VWA8: variants seen among roughly 807,000 people sequenced by gnomAD.
VWA8 encodes von Willebrand factor A domain-containing protein 8.
A neutral mutation model predicts 241.5 loss-of-function variants in VWA8; 221 were observed. That is an observed-to-expected ratio of 0.91 (90% confidence interval 0.82 to 1.02). The LOEUF (loss-of-function observed/expected upper bound fraction) is 1.02. Among genes scored for constraint, VWA8 ranks in the 50% least tolerant of loss-of-function variants. The probability of loss-of-function intolerance (pLI) is 0.00; values close to 1 mark genes in which losing one functional copy is unlikely to be tolerated. For missense variants in VWA8, 2,322 were observed against 2,328.7 expected, an observed-to-expected ratio of 1.00 and a Z score of 0.06; for synonymous variants, 852 against 827.1, an observed-to-expected ratio of 1.03 and a Z score of -0.52.
chr13:41,644,781 T>G (rs1458689218), intron 37 of VWA8, among the ~76,000 whole-genome samples: 1 of 152,264 alleles, frequency 6.6e-6, no homozygotes, highest in Non-Finnish European at 1.5e-5. Context: ...GATTTCAGTG[T>G]TTACTATAAG....
At position 41,783,639 on chromosome 13, in the gene VWA8, G is replaced by GAA. The variant is rs150170475; in HGVS notation, c.2277+154_2277+155dup. 8.2e-3 allele frequency among the ~76,000 whole-genome samples: 921 copies of GAA among 111,780 alleles called. 12 individuals carry two copies. The highest frequency in any genetic ancestry group is 0.027 in the African/African-American group (840 of 31,138). The allele number at this position is 111,780 out of a possible 152,430, so 73.3% of individuals were successfully genotyped here. On this transcript the variant is annotated intron_variant, in intron 19 of 44. Transcript: ENST00000379310. ...AGTGACAAAGTGAGACTGCATCACA[G>GAA]AAAAAAAAAAAAAAAAGATGTTCAA...
intron 24 of VWA8, among the ~76,000 whole-genome samples, chr13:41,724,266 C>G (rs754865919): frequency 2.6e-5 from 4 of 152,078 alleles, no homozygotes; most frequent in African/African-American, 2.4e-5. Context: ...ACGGAGATAG[C>G]AAGTGTAGAC....
rs191559004 is a variant in VWA8 at position 41,831,882 on chromosome 13, A to C, written c.1587-1240T>G. 3.3e-5 allele frequency among the ~76,000 whole-genome samples: 5 copies of C among 151,620 alleles called. No individual in the cohort carries two copies. The East Asian group carries it at 9.7e-4, about 30-fold the overall frequency. ...TGATCCGCCCACCTCGGTCTCCCAAAATGCTGGGACTACAGGTGTGAGCTA... is the reference window on the plus strand; with the variant it reads ...TGATCCGCCCACCTCGGTCTCCCAACATGCTGGGACTACAGGTGTGAGCTA... On this transcript the variant is annotated intron_variant, in intron 13 of 44. Coordinates refer to ENST00000379310, the MANE Select transcript of VWA8 (RefSeq NM_015058.2).
chr13:41,694,483 T>C (rs142697950), intron 29 of VWA8, among the ~76,000 whole-genome samples: 2 of 152,154 alleles, frequency 1.3e-5, no homozygotes, highest in East Asian at 3.9e-4. Flanking sequence ...AATTAACATA[T>C]AAGAAGTGTC....
chr13:41,763,308 A>AATAAATAAATAAATAAATAGATAG (rs1555332023), intron 20 of VWA8, among the ~76,000 whole-genome samples: 5 of 145,774 alleles, frequency 3.4e-5, no homozygotes, highest in South Asian at 2.2e-4. Context: ...TAAATAAATA[A>AATAAATAAATAAATAAATAGATAG]ATAGATAGAT....
chr13:41,645,018 G>A (rs1027492375), intron 37 of VWA8, among the ~76,000 whole-genome samples: 1 of 152,134 alleles, frequency 6.6e-6, no homozygotes, highest in Non-Finnish European at 1.5e-5. Flanking sequence ...TCTAAACATG[G>A]TTAAAAGCAC....
chr13:41,670,740 A>C (rs1398806497), intron 37 of VWA8, among the ~76,000 whole-genome samples: 3 of 152,196 alleles, frequency 2.0e-5, no homozygotes, highest in Non-Finnish European at 4.4e-5. Context: ...TTAAGCACTG[A>C]CAGAAAAAAA....
Position 41,752,455 on chromosome 13 carries a change from G to A in VWA8, c.2426+8673C>T, listed in dbSNP as rs1275106195. Among the ~76,000 whole-genome samples, 3 of 152,076 alleles carry A rather than the reference G, an allele frequency of 2.0e-5. No homozygotes were observed. In the East Asian group the frequency reaches 5.8e-4, roughly 29 times the overall value. ...CACCACTGACAAGCAAGCTGTACTA[G>A]GTCAAGATGGATATCATCATCTATA... On this transcript the variant is annotated intron_variant, in intron 21 of 44. Transcript: ENST00000379310.
At chr13:41,948,731 G>A (rs1271028365) in intron 2 of VWA8, among the ~76,000 whole-genome samples, 1 of 152,080 alleles carries the variant, frequency 6.6e-6, no homozygotes, top group Non-Finnish European at 1.5e-5. Context: ...TCAACTCCTA[G>A]ATTTTTACTC....
intron 2 of VWA8, among the ~76,000 whole-genome samples, chr13:41,927,645 A>G (rs1431207196): frequency 6.6e-6 from 1 of 152,220 alleles, no homozygotes; most frequent in Non-Finnish European, 1.5e-5. Flanking sequence ...ATCAAAGCAT[A>G]GTGTTATAGA....
intron 17 of VWA8, among the ~76,000 whole-genome samples, chr13:41,799,630 C>T (rs1468238686): frequency 6.6e-6 from 1 of 152,132 alleles, no homozygotes; most frequent in Admixed American, 6.6e-5. Flanking sequence ...CCGTTGTCCC[C>T]AAACAGATAT....
chr13:41,686,933 G>A (rs1025722823), intron 34 of VWA8, among the ~76,000 whole-genome samples: 1 of 152,090 alleles, frequency 6.6e-6, no homozygotes, highest in Non-Finnish European at 1.5e-5. Flanking sequence ...TGGGCTTAAC[G>A]TCCATCACTA....
intron 17 of VWA8, among the ~76,000 whole-genome samples, chr13:41,799,950 T>A (rs1869872815): frequency 6.6e-6 from 1 of 152,186 alleles, no homozygotes; most frequent in Non-Finnish European, 1.5e-5. Context: ...TACCCCCAAG[T>A]CTACCTGGCT....
chr13:41,868,682 G>A (rs1185644), intron 9 of VWA8, among the ~76,000 whole-genome samples: 5 of 151,812 alleles, frequency 3.3e-5, no homozygotes, highest in Non-Finnish European at 5.9e-5. Flanking sequence ...TCAGGAGATC[G>A]AGACCATCCT....
At chr13:41,869,952 A>G (rs1019822921) in intron 9 of VWA8, among the ~76,000 whole-genome samples, 26 of 152,332 alleles carry the variant, frequency 1.7e-4, no homozygotes, top group African/African-American at 5.8e-4. Flanking sequence ...ATGAAAGAAC[A>G]GATCATCATG....
At chr13:41,781,989 C>T (rs1241687617) in intron 19 of VWA8, among the ~76,000 whole-genome samples, 2 of 152,192 alleles carry the variant, frequency 1.3e-5, no homozygotes, top group South Asian at 2.1e-4. Flanking sequence ...GCACTGACTA[C>T]GGCTTCAAAG....
intron 15 of VWA8, among the ~76,000 whole-genome samples, chr13:41,818,835 A>T (rs1390316584): frequency 6.6e-6 from 1 of 152,190 alleles, no homozygotes; most frequent in Non-Finnish European, 1.5e-5. Context: ...CAGAAAAATA[A>T]AAAGGATTCG....
intron 2 of VWA8, among the ~76,000 whole-genome samples, chr13:41,915,524 T>A (rs1259966161): frequency 6.6e-6 from 1 of 152,252 alleles, no homozygotes; most frequent in Non-Finnish European, 1.5e-5. Flanking sequence ...AGTATGTCAA[T>A]GGCACCATAG....
chr13:41,774,568 T>C (rs1322755353), intron 20 of VWA8, among the ~76,000 whole-genome samples: 3 of 152,202 alleles, frequency 2.0e-5, no homozygotes, highest in African/African-American at 7.2e-5. Context: ...CTCTTTTTCA[T>C]AGAGATGGTG....
Sources: gnomAD v4.1 joint callset for allele counts (sites outside exome capture counted in the v4.1 genomes callset) on GRCh38, gnomAD v4.1.1 for gene constraint, MANE v1.5 for transcripts, NCBI Gene and HGNC (gene_info 2026-07-23, HGNC 2026-07-21) for gene names.